PC: variants seen among roughly 807,000 people sequenced by gnomAD.
PC encodes pyruvate carboxylase, mitochondrial.
Under a neutral mutation model 107.8 loss-of-function variants are expected in PC, and 46 were observed. That is an observed-to-expected ratio of 0.43 (90% CI 0.34 to 0.55). PC has a LOEUF of 0.55. Among genes scored for constraint, PC ranks in the 20% least tolerant of loss-of-function variants. The probability of loss-of-function intolerance (pLI) is 0.04; values close to 1 mark genes in which losing one functional copy is unlikely to be tolerated. For synonymous variants in PC, 662 were observed against 684.7 expected, an observed-to-expected ratio of 0.97 and a Z score of 0.52; for missense variants, 1,241 against 1,643.1, an observed-to-expected ratio of 0.76 and a Z score of 4.23.
At chr11:66,888,492 A>T (rs1591230567) in intron 3 of PC, among the ~76,000 whole-genome samples, 1 of 152,224 alleles carries the variant, frequency 6.6e-6, no homozygotes, top group African/African-American at 2.4e-5. Flanking sequence ...CTGGGCAGCC[A>T]GCACAGAGGA....
intron 3 of PC, among the ~76,000 whole-genome samples, chr11:66,875,096 T>C (rs1243170380): frequency 6.6e-6 from 1 of 152,064 alleles, no homozygotes; most frequent in Non-Finnish European, 1.5e-5. Flanking sequence ...CCTTCAGCCA[T>C]GGACAGGACA....
At position 66,852,182 on chromosome 11, in the gene PC, C is replaced by T. The variant is rs1945541614; in HGVS notation, c.1826-236G>A. Among the ~76,000 whole-genome samples the T allele has an allele frequency of 6.6e-6, 1 of 152,238 alleles. No homozygotes were observed. Among genetic ancestry groups the T allele is most frequent in the African/African-American group, 2.4e-5 (1 of 41,460 alleles). ...CCCCTTTATAATCCCATCTTCTCCT[C>T]TACCTCTCTGTGCTATAATTAACAG... On this transcript the variant is annotated intron_variant, in intron 15 of 22. Transcript: ENST00000393960. The surrounding 1 kb of genome is among the most constrained non-coding windows in gnomAD (Gnocchi z 4.7).
chr11:66,867,235 A>G (rs567653642), intron 10 of PC, among the ~76,000 whole-genome samples: 5 of 152,170 alleles, frequency 3.3e-5, no homozygotes, highest in South Asian at 4.1e-4. Context: ...AAAATACAAA[A>G]ATTAGCCAGG....
intron 3 of PC, among the ~76,000 whole-genome samples, chr11:66,910,305 G>T (rs1948297477): frequency 6.6e-6 from 1 of 152,106 alleles, no homozygotes; most frequent in African/African-American, 2.4e-5. Flanking sequence ...TCTCGTCCTT[G>T]TCTTGGCTCA....
At chr11:66,908,184 C>G (rs980831132) in intron 3 of PC, among the ~76,000 whole-genome samples, 2 of 152,276 alleles carry the variant, frequency 1.3e-5, no homozygotes, top group Admixed American at 6.5e-5. Flanking sequence ...GCTGGGAAAG[C>G]CAGCCAGGAG....
chr11:66,910,254 C>T lies in PC; in HGVS notation c.1-38095G>A, dbSNP rs551596258. Among the ~76,000 whole-genome samples, 159 of 152,216 alleles carry T rather than the reference C, an allele frequency of 1.0e-3. 7 individuals are homozygous for T. The South Asian group carries it at 0.029, about 28-fold the overall frequency. On this transcript the variant is annotated intron_variant, in intron 3 of 22. Transcript: ENST00000393960. ...CCAGCTGGAGGTTCCAGGTGGAGAA[C>T]GAGTCGCTCTGTGCTCAGCTCTGGG...
rs1948229060 is a variant in PC, at chr11:66,908,333, T to C, written c.1-36174A>G. ...GTCCACCTGGGAACTGGTGACATCA[T>C]GGGCCTGTCTCCCCACAGGGCCAGA... On this transcript the variant is annotated intron_variant, in intron 3 of 22. Transcript: ENST00000393960. 2.0e-5 allele frequency among the ~76,000 whole-genome samples: 3 copies of C among 152,160 alleles called. No homozygotes were observed. In the South Asian group the frequency reaches 6.2e-4, roughly 32 times the overall value.
chr11:66,922,420 C>T (rs1295445598), intron 3 of PC, among the ~76,000 whole-genome samples: 18 of 151,726 alleles, frequency 1.2e-4, no homozygotes. Context: ...ACTAAAAATA[C>T]AAAATTAGCT....
chr11:66,923,773 G>T (rs959642691), intron 3 of PC, among the ~76,000 whole-genome samples: 3 of 151,084 alleles, frequency 2.0e-5, no homozygotes, highest in African/African-American at 7.3e-5. Context: ...GCCCACCTTG[G>T]CCTCCCAAAG....
intron 3 of PC, among the ~76,000 whole-genome samples, chr11:66,885,030 A>T (rs1304545055): frequency 6.6e-6 from 1 of 152,184 alleles, no homozygotes; most frequent in Admixed American, 6.5e-5. Flanking sequence ...AGATGACAGG[A>T]CATGAATGCT....
At chr11:66,860,230 A>G (rs1334043904) in intron 12 of PC, 18 of 1,539,348 alleles carry the variant, frequency 1.2e-5, no homozygotes, top group Non-Finnish European at 1.6e-5. Flanking sequence ...CCAAGGGATG[A>G]GCCTCGTGGG....
chr11:66,870,863 G>A lies in PC; in HGVS notation c.663C>T (p.Tyr221=). The change falls in exon 8 of 23, where the codon TAC becomes TAT. Residue 221 remains tyrosine (Y), a synonymous_variant. Transcript: ENST00000393960. The surrounding 1 kb of genome is among the most constrained non-coding windows in gnomAD (Gnocchi z 6.1). ...TCCCAAAGGCGGCCAGAGCCTCTGA[G>A]TAGGCCCGGGTGTAATTCTCCTCCA... ...EELEENYTRA[Y]SEALAAFGNG... 6.2e-7 allele frequency: 1 copy of A among 1,613,404 alleles called. No individual in the cohort carries two copies. Among genetic ancestry groups the A allele is most frequent in the Non-Finnish European group, 8.5e-7 (1 of 1,180,000 alleles).
Position 66,851,872 on chromosome 11 carries a change from T to A in PC, c.1900A>T (p.Ile634Phe). The change falls in exon 16 of 23, where the codon ATC (isoleucine) becomes TTC (phenylalanine). Residue 634 changes from isoleucine to phenylalanine, a missense_variant. Transcript: ENST00000393960. Reference protein sequence around the residue: ...WRRLQELRELIPNIPFQMLLR... With the variant: ...WRRLQELRELFPNIPFQMLLR... ...AGCATCTGGAAAGGGATGTTGGGGA[T>A]GAGCTCCCGGAGCTCCTGCAGCCGC... The A allele has an allele frequency of 6.2e-7, 1 of 1,614,064 alleles. No homozygotes were observed. Among genetic ancestry groups the A allele is most frequent in the Non-Finnish European group, 8.5e-7 (1 of 1,180,006 alleles).
At chr11:66,940,258 G>A (rs976710689) in intron 3 of PC, among the ~76,000 whole-genome samples, 20 of 147,994 alleles carry the variant, frequency 1.4e-4, no homozygotes, top group Admixed American at 6.1e-4. Context: ...GAATGCAGTC[G>A]TACAATCTCG....
At chr11:66,953,912 G>A (rs1949495091) in intron 2 of PC, among the ~76,000 whole-genome samples, 1 of 152,114 alleles carries the variant, frequency 6.6e-6, no homozygotes, top group Admixed American at 6.6e-5. Context: ...TAGGACCTTC[G>A]TAATAGGATT....
At chr11:66,899,066 C>T (rs1288138310) in intron 3 of PC, among the ~76,000 whole-genome samples, 1 of 152,094 alleles carries the variant, frequency 6.6e-6, no homozygotes, top group Non-Finnish European at 1.5e-5. Context: ...GACGGGGTTT[C>T]TCCATATTGG....
At chr11:66,897,135 T>A (rs1947789161) in intron 3 of PC, among the ~76,000 whole-genome samples, 1 of 152,134 alleles carries the variant, frequency 6.6e-6, no homozygotes, top group East Asian at 1.9e-4. Flanking sequence ...GGTTTCACCA[T>A]GTTGGCCAGG....
intron 3 of PC, among the ~76,000 whole-genome samples, chr11:66,918,802 A>G (rs920659825): frequency 1.3e-5 from 2 of 152,146 alleles, no homozygotes; most frequent in Non-Finnish European, 2.9e-5. Flanking sequence ...TGTGACCTCC[A>G]AATAGTCTTC....
At chr11:66,939,022 T>C (rs527425186) in intron 3 of PC, among the ~76,000 whole-genome samples, 3 of 152,228 alleles carry the variant, frequency 2.0e-5, no homozygotes, top group Non-Finnish European at 2.9e-5. Context: ...ACTGGCCCTA[T>C]GGTGAAGCAC....
Sources: gnomAD v4.1 joint callset for allele counts (sites outside exome capture counted in the v4.1 genomes callset) on GRCh38, gnomAD v4.1.1 for gene constraint, Gnocchi (gnomAD v3.1) non-coding constraint, MANE v1.5 for transcripts, NCBI Gene and HGNC (gene_info 2026-07-23, HGNC 2026-07-21) for gene names.